The following AGTPBP1 variants were observed in gnomAD, a reference collection of about 807,000 sequenced individuals.
AGTPBP1 encodes cytosolic carboxypeptidase 1.
AGTPBP1 carries 70 observed loss-of-function variants against 143.9 expected under a neutral mutation model. That is an observed-to-expected ratio of 0.49 (90% CI 0.40 to 0.59). AGTPBP1 has a LOEUF of 0.59. Among genes scored for constraint, AGTPBP1 ranks in the 20% least tolerant of loss-of-function variants. The pLI, the probability that AGTPBP1 is intolerant of heterozygous loss-of-function variation, is 0.00. For synonymous variants in AGTPBP1, 463 were observed against 500.2 expected, an observed-to-expected ratio of 0.93 and a Z score of 0.99; for missense variants, 1,229 against 1,464.5, an observed-to-expected ratio of 0.84 and a Z score of 2.62.
intron 25 of AGTPBP1, among the ~76,000 whole-genome samples, chr9:85,564,229 T>C (rs970499944): frequency 1.3e-5 from 2 of 152,248 alleles, no homozygotes; most frequent in Admixed American, 6.5e-5. Context: ...GCAGCCCCAG[T>C]GGGCCTGAAG....
Position 85,632,862 on chromosome 9 carries a change from A to G in AGTPBP1, c.1815T>C (p.Thr605=). The change falls in exon 14 of 26, where the codon ACT becomes ACC. Residue 605 remains threonine (T), a synonymous_variant. Transcript: ENST00000357081. ...TGVETEDDED[T]ESNSSVEQAS... Reference sequence around the variant, plus strand: ...CTTGTTCTACCGATGAATTTGACTCAGTATCTTCATCATCTTCAGTTTCAA... The same window carrying G: ...CTTGTTCTACCGATGAATTTGACTCGGTATCTTCATCATCTTCAGTTTCAA... 1 of 1,614,178 alleles carries G rather than the reference A, an allele frequency of 6.2e-7. No individual in the cohort carries two copies. Among genetic ancestry groups the G allele is most frequent in the Non-Finnish European group, 8.5e-7 (1 of 1,180,026 alleles).
chr9:85,748,737 T>C, the AGTPBP1 span, among the ~76,000 whole-genome samples: 2 of 152,214 alleles, frequency 1.3e-5, no homozygotes, highest in African/African-American at 4.8e-5. Context: ...ATCTGTCCAA[T>C]TTTCATTTCT....
At chr9:85,689,945 T>TATATATATATATATA (rs1486313965) in intron 3 of AGTPBP1, among the ~76,000 whole-genome samples, 13 of 126,674 alleles carry the variant, frequency 1.0e-4, no homozygotes, top group African/African-American at 3.5e-4. Flanking sequence ...TATATATATA[T>TATATATATATATATA]ATCTTAAAGT....
chr9:85,725,242 G>T (rs903466915), intron 1 of AGTPBP1, among the ~76,000 whole-genome samples: 1 of 152,082 alleles, frequency 6.6e-6, no homozygotes, highest in Non-Finnish European at 1.5e-5. Flanking sequence ...TCTCAACCTG[G>T]AGTCCACAAG....
chr9:85,606,981 T>G (rs78938715), intron 17 of AGTPBP1, among the ~76,000 whole-genome samples: 2,317 of 152,104 alleles, frequency 0.015, 31 homozygotes, highest in Non-Finnish European at 0.022. Flanking sequence ...AATGTTTTAA[T>G]GTTCTATAGC....
chr9:85,576,625 A>T (rs575684684), intron 24 of AGTPBP1, among the ~76,000 whole-genome samples: 54 of 152,314 alleles, frequency 3.5e-4, no homozygotes, highest in African/African-American at 1.3e-3. Context: ...ACTCAGTAAG[A>T]TAAAAATATT....
intron 1 of AGTPBP1, among the ~76,000 whole-genome samples, chr9:85,739,601 G>C (rs62570632): frequency 1.3e-5 from 2 of 151,858 alleles, no homozygotes; most frequent in African/African-American, 4.8e-5. Flanking sequence ...CCAGCTATTC[G>C]GGAGGCTGAG....
At chr9:85,743,029 A>G (rs533881513), upstream of AGTPBP1, among the ~76,000 whole-genome samples, 2 of 152,340 alleles carry the variant, frequency 1.3e-5, no homozygotes, top group South Asian at 4.1e-4. Context: ...ATTCAGATGA[A>G]CAAGAAACTG....
intron 8 of AGTPBP1, among the ~76,000 whole-genome samples, chr9:85,667,962 C>T (rs972350477): frequency 6.8e-5 from 10 of 147,168 alleles, no homozygotes; most frequent in African/African-American, 2.5e-4. Context: ...AAGAAATTAC[C>T]GTTAATATTG....
At chr9:85,733,569 G>A (rs1564194950) in intron 1 of AGTPBP1, among the ~76,000 whole-genome samples, 1 of 151,834 alleles carries the variant, frequency 6.6e-6, no homozygotes, top group Non-Finnish European at 1.5e-5. Context: ...ACAAAAAGAA[G>A]AACTAAACCC....
At chr9:85,779,230 G>GATATAGATATAGATATAGAT in the AGTPBP1 span, among the ~76,000 whole-genome samples, 22 of 86,314 alleles carry the variant, frequency 2.5e-4, no homozygotes, top group African/African-American at 9.0e-4. Flanking sequence ...TATAGATATA[G>GATATAGATATAGATATAGAT]ATATAGATAT....
the AGTPBP1 span, among the ~76,000 whole-genome samples, chr9:85,767,309 G>A: frequency 2.7e-5 from 4 of 147,198 alleles, no homozygotes; most frequent in South Asian, 8.6e-4. Context: ...AGCCTCCTGA[G>A]TAGCTGGGAT....
intron 25 of AGTPBP1, among the ~76,000 whole-genome samples, chr9:85,567,623 T>C (rs1587642901): frequency 2.0e-5 from 3 of 151,860 alleles, no homozygotes; most frequent in Admixed American, 2.0e-4. Flanking sequence ...GTGAAATAAA[T>C]GCAGAAACAA....
intron 3 of AGTPBP1, among the ~76,000 whole-genome samples, chr9:85,688,610 A>G (rs1835646025): frequency 6.6e-6 from 1 of 152,224 alleles, no homozygotes; most frequent in African/African-American, 2.4e-5. Context: ...AAAGATTAGC[A>G]ACAACCATGG....
chr9:85,751,545 G>A, the AGTPBP1 span, among the ~76,000 whole-genome samples: 1 of 152,102 alleles, frequency 6.6e-6, no homozygotes, highest in Non-Finnish European at 1.5e-5. Context: ...CGTCCTTCCT[G>A]TCCTGCTAAG....
intron 3 of AGTPBP1, among the ~76,000 whole-genome samples, chr9:85,684,882 T>C (rs1835396044): frequency 6.6e-6 from 1 of 151,354 alleles, no homozygotes; most frequent in African/African-American, 2.4e-5. Context: ...ATAAATGACA[T>C]TAAAGTAAAG....
chr9:85,714,661 T>C (rs989549985), intron 1 of AGTPBP1, among the ~76,000 whole-genome samples: 3 of 152,198 alleles, frequency 2.0e-5, no homozygotes, highest in Non-Finnish European at 4.4e-5. Flanking sequence ...TTTGCTATTA[T>C]CATTCTAAGA....
intron 5 of AGTPBP1, among the ~76,000 whole-genome samples, 173 bp downstream of exon 5, chr9:85,678,162 T>A (rs1205880067): frequency 1.3e-5 from 2 of 152,186 alleles, no homozygotes; most frequent in Non-Finnish European, 2.9e-5. Flanking sequence ...GAGGGATACT[T>A]GAAAAGATAC....
At chr9:85,719,159 G>A (rs1837932619) in intron 1 of AGTPBP1, among the ~76,000 whole-genome samples, 1 of 151,994 alleles carries the variant, frequency 6.6e-6, no homozygotes, top group African/African-American at 2.4e-5. Flanking sequence ...CGGGCTTTTT[G>A]GTTCCATATG....
Sources: allele counts gnomAD v4.1 joint callset (sites outside exome capture counted in the v4.1 genomes callset), GRCh38; gene constraint gnomAD v4.1.1; transcripts MANE v1.5; gene names NCBI Gene and HGNC (gene_info 2026-07-23, HGNC 2026-07-21).